NFIA: variants seen among roughly 807,000 people sequenced by gnomAD.
The protein encoded by NFIA is nuclear factor 1 A-type.
Under a neutral mutation model 62.8 loss-of-function variants are expected in NFIA, and 8 were observed. That is an observed-to-expected ratio of 0.13 (90% CI 0.07 to 0.23). The LOEUF (loss-of-function observed/expected upper bound fraction) is 0.23. NFIA is among the 10% of genes least tolerant of loss of function. The pLI is 1.00. For synonymous variants in NFIA, 235 were observed against 238.1 expected, an observed-to-expected ratio of 0.99 and a Z score of 0.12; for missense variants, 410 against 642.1, an observed-to-expected ratio of 0.64 and a Z score of 3.91.
intron 2 of NFIA, among the ~76,000 whole-genome samples, chr1:61,155,218 G>A (rs979092646): frequency 1.3e-5 from 2 of 152,104 alleles, no homozygotes; most frequent in East Asian, 3.8e-4. Context: ...GAGCGTTGAG[G>A]TTTTTCTCTT....
chr1:61,365,285 C>A (rs1010161585), intron 6 of NFIA, among the ~76,000 whole-genome samples: 3 of 152,108 alleles, frequency 2.0e-5, no homozygotes, highest in Non-Finnish European at 4.4e-5. Flanking sequence ...GCATGTTACA[C>A]TTTGCAAAGC....
At chr1:61,373,992 T>C (rs1664031023) in intron 6 of NFIA, among the ~76,000 whole-genome samples, 1 of 152,220 alleles carries the variant, frequency 6.6e-6, no homozygotes, top group African/African-American at 2.4e-5. Context: ...GAGCCACATA[T>C]GGCTACTAAG....
At chr1:61,413,724 T>G (rs1239519080) in intron 9 of NFIA, among the ~76,000 whole-genome samples, 1 of 143,246 alleles carries the variant, frequency 7.0e-6, no homozygotes, top group Admixed American at 7.4e-5. Flanking sequence ...CCTCCTGGGT[T>G]CAAGCGATTC....
chr1:61,272,282 G>A (rs990040469), intron 2 of NFIA, among the ~76,000 whole-genome samples: 2 of 151,840 alleles, frequency 1.3e-5, no homozygotes, highest in Non-Finnish European at 2.9e-5. Flanking sequence ...TCTCAAATAA[G>A]GTTTTTCCAA....
intron 4 of NFIA, among the ~76,000 whole-genome samples, chr1:61,341,360 G>C (rs1198450373): frequency 1.3e-5 from 2 of 152,012 alleles, no homozygotes; most frequent in Non-Finnish European, 2.9e-5. Context: ...CCATGTACCA[G>C]CATTCTTAAA....
At chr1:61,337,272 A>G (rs866389203) in intron 4 of NFIA, among the ~76,000 whole-genome samples, 3 of 152,146 alleles carry the variant, frequency 2.0e-5, no homozygotes, top group East Asian at 3.9e-4. Context: ...TGAAGCTGCA[A>G]TCTTCCGTGA....
At chr1:61,115,462 A>G (rs1323266293) in intron 2 of NFIA, among the ~76,000 whole-genome samples, 1 of 152,220 alleles carries the variant, frequency 6.6e-6, no homozygotes, top group Non-Finnish European at 1.5e-5. Flanking sequence ...TTGGCCAGGG[A>G]GAGAACAGGG....
Position 61,313,425 on chromosome 1 carries a change from G to A in NFIA, c.626-19087G>A, listed in dbSNP as rs762564793. On this transcript the variant is annotated intron_variant, in intron 3 of 10. Coordinates refer to ENST00000403491, the MANE Select transcript of NFIA (RefSeq NM_001134673.4). The stretch of plus-strand genomic sequence containing the variant: ...CAGGAGCGGGAGCAAGAAAGAGAAG[G>A]GGTTGGGGAGGTGACACACACTTTA... Among the ~76,000 whole-genome samples the A allele has an allele frequency of 1.2e-3, 188 of 152,206 alleles. 3 individuals carry two copies. Among genetic ancestry groups the A allele is most frequent in the Non-Finnish European group, 9.6e-4 (65 of 68,022 alleles).
chr1:61,406,506 C>T lies in NFIA; in HGVS notation c.1255-56C>T. 4 of 1,445,712 alleles carry T rather than the reference C, an allele frequency of 2.8e-6. No individual in the cohort carries two copies. In the South Asian group the frequency reaches 3.8e-5, roughly 14 times the overall value. 89.6% of individuals were successfully genotyped at this position (1,445,712 alleles called of 1,614,324 possible). On this transcript the variant is annotated intron_variant, in intron 8 of 10. Coordinates refer to ENST00000403491, the MANE Select transcript of NFIA (RefSeq NM_001134673.4). ...TGTTTTCAGAAGCAGCTAATGGTTG[C>T]TGTCTCTTTCTTCTTTTTCTTGTAC...
chr1:61,325,932 CAA>C (rs36122626), intron 3 of NFIA, among the ~76,000 whole-genome samples: 975 of 87,810 alleles, frequency 0.011, 2 homozygotes, highest in Middle Eastern at 0.042. Flanking sequence ...GACTCTGTCT[CAA>C]AAAAAAAAAA....
chr1:61,406,542 T>TCC lies in NFIA; in HGVS notation c.1255-20_1255-19insCC, dbSNP rs1665829769. The TCC allele has an allele frequency of 2.4e-6, 3 of 1,253,790 alleles. No individual in the cohort carries two copies. The highest frequency in any genetic ancestry group is 1.4e-5 in the South Asian group (1 of 72,750). 77.7% of individuals were successfully genotyped at this position (1,253,790 alleles called of 1,614,324 possible). On this transcript the variant is annotated intron_variant, in intron 8 of 10. Coordinates refer to ENST00000403491, the MANE Select transcript of NFIA (RefSeq NM_001134673.4). ...TTCTTTTTCTTGTACGTGTGTTTTC[T>TCC]GCCCCCCCCCCCCCCACAGCCCAAT...
At chr1:61,297,888 A>G (rs1659275793) in intron 3 of NFIA, among the ~76,000 whole-genome samples, 2 of 152,168 alleles carry the variant, frequency 1.3e-5, no homozygotes, top group African/African-American at 4.8e-5. Flanking sequence ...AGAGGTTCCA[A>G]AAAAATAAAA....
At chr1:61,443,524 G>A (rs1667676736) in intron 10 of NFIA, among the ~76,000 whole-genome samples, 1 of 152,158 alleles carries the variant, frequency 6.6e-6, no homozygotes, top group South Asian at 2.1e-4. Flanking sequence ...ACTCTGCAGG[G>A]ATGCAGCTGC....
chr1:61,412,725 A>G (rs1666160478), intron 9 of NFIA, among the ~76,000 whole-genome samples: 1 of 152,198 alleles, frequency 6.6e-6, no homozygotes, highest in Non-Finnish European at 1.5e-5. Flanking sequence ...TTCTGTGTGT[A>G]TCATCTCATT....
At chr1:61,110,242 G>A (rs1646672503) in intron 2 of NFIA, among the ~76,000 whole-genome samples, 1 of 150,126 alleles carries the variant, frequency 6.7e-6, no homozygotes, top group South Asian at 2.1e-4. Flanking sequence ...GCACACATTT[G>A]TCTACTTGTT....
chr1:61,373,925 G>A (rs1664027620), intron 6 of NFIA, among the ~76,000 whole-genome samples: 1 of 152,124 alleles, frequency 6.6e-6, no homozygotes, highest in African/African-American at 2.4e-5. Context: ...CTGTCCAATA[G>A]AATTTTCTGC....
rs567534628 is a variant in NFIA at position 61,290,136 on chromosome 1, G to T, written c.625+12551G>T. 5.3e-5 allele frequency among the ~76,000 whole-genome samples: 8 copies of T among 149,602 alleles called. No individual in the cohort carries two copies. The East Asian group carries it at 5.9e-4, about 11-fold the overall frequency. On this transcript the variant is annotated intron_variant, in intron 3 of 10. Coordinates refer to ENST00000403491, the MANE Select transcript of NFIA (RefSeq NM_001134673.4). Reference sequence around the variant, plus strand: ...ATTATGAGTATATGGTACTTTAATAGATATTTTTAAACAATGGACTGAGTT... The same window carrying T: ...ATTATGAGTATATGGTACTTTAATATATATTTTTAAACAATGGACTGAGTT...
chr1:61,426,503 G>C lies in NFIA; in HGVS notation c.1459G>C (p.Val487Leu), dbSNP rs528192346. The change falls in exon 10 of 11, where the codon GTC becomes CTC. Residue 487 changes from valine (V) to leucine (L), a missense_variant. Transcript: ENST00000403491. ...TPSTSPANRF[V>L]SVGPRDPSFV... ...CAGCACCTCCCCCGCAAACCGATTCGTCAGTGTTGGACCACGGGATCCAAG... is the reference window on the plus strand; with the variant it reads ...CAGCACCTCCCCCGCAAACCGATTCCTCAGTGTTGGACCACGGGATCCAAG... 7.7e-6 allele frequency: 12 copies of C among 1,551,838 alleles called. No homozygotes were observed. Among genetic ancestry groups the C allele is most frequent in the Non-Finnish European group, 1.0e-5 (12 of 1,147,062 alleles).
At chr1:61,280,457 A>G (rs1017346881) in intron 3 of NFIA, among the ~76,000 whole-genome samples, 3 of 151,992 alleles carry the variant, frequency 2.0e-5, no homozygotes, top group Non-Finnish European at 4.4e-5. Flanking sequence ...GTGTGTATAT[A>G]TATATGTATG....
Sources: gnomAD v4.1 joint callset for allele counts (sites outside exome capture counted in the v4.1 genomes callset) on GRCh38, gnomAD v4.1.1 for gene constraint, MANE v1.5 for transcripts, NCBI Gene and HGNC (gene_info 2026-07-23, HGNC 2026-07-21) for gene names.